TCERG1L: variants seen among roughly 807,000 people sequenced by gnomAD.
The protein encoded by TCERG1L is transcription elongation regulator 1 like, also known as transcription elongation regulator 1-like protein.
TCERG1L carries 37 observed loss-of-function variants against 56.3 expected under a neutral mutation model. The ratio of observed to expected loss-of-function variants is 0.66; its 90% confidence interval spans 0.51 to 0.87. The LOEUF is 0.87. Ranked by LOEUF, TCERG1L falls within the 40% of genes least tolerant of loss-of-function variation. The probability of loss-of-function intolerance (pLI) is 0.00; values close to 1 mark genes in which losing one functional copy is unlikely to be tolerated. For missense variants in TCERG1L, 799 were observed against 774.2 expected (o/e 1.03, Z -0.38); for synonymous variants, 324 against 326.3 (o/e 0.99, Z 0.08).
In TCERG1L at chr10:131,218,534, C is replaced by T. The variant is rs555973601; in HGVS notation, c.856+41725G>A. Among the ~76,000 whole-genome samples, 12 of 152,216 alleles carry T rather than the reference C, an allele frequency of 7.9e-5. No homozygotes were observed. The Middle Eastern group carries it at 0.01, about 129-fold the overall frequency. ...TTGAGACAGAGTTTCGTTCTTGTTG[C>T]CCAGGCTGGAGTGCAATGGTGCGAC... On this transcript the variant is annotated intron_variant, in intron 4 of 11. Transcript: ENST00000368642.
rs188893212 is a variant in TCERG1L, at chr10:131,124,912, T to C, written c.1260-7978A>G. Among the ~76,000 whole-genome samples, 322 of 152,336 alleles carry C rather than the reference T, an allele frequency of 2.1e-3. 3 individuals carry two copies. The South Asian group carries it at 0.021, about 10-fold the overall frequency. On this transcript the variant is annotated intron_variant, in intron 8 of 11. Transcript: ENST00000368642. Reference sequence around the variant, plus strand: ...CTCTAGAAAGTGGAAATAATAATAGTTGCAACCACTTGGGATTTGCTTGTA... The same window carrying C: ...CTCTAGAAAGTGGAAATAATAATAGCTGCAACCACTTGGGATTTGCTTGTA...
chr10:131,098,809 A>G (rs1781674318), intron 10 of TCERG1L, among the ~76,000 whole-genome samples: 1 of 152,160 alleles, frequency 6.6e-6, no homozygotes, highest in South Asian at 2.1e-4. Flanking sequence ...CAGCATCTGT[A>G]ACGCGCGGCC....
chr10:131,124,586 G>A (rs1000631173), intron 8 of TCERG1L, among the ~76,000 whole-genome samples: 5 of 152,124 alleles, frequency 3.3e-5, no homozygotes, highest in Admixed American at 6.5e-5. Flanking sequence ...TCAGCTCTAC[G>A]CCATGCAGGA....
At chr10:131,207,052 G>A (rs905440417) in intron 4 of TCERG1L, among the ~76,000 whole-genome samples, 5 of 152,220 alleles carry the variant, frequency 3.3e-5, no homozygotes, top group Admixed American at 6.5e-5. Flanking sequence ...GAATCAGAAA[G>A]TGCTTTGTCC....
At chr10:131,093,588 A>G (rs1353373675) in intron 11 of TCERG1L, among the ~76,000 whole-genome samples, 1 of 152,052 alleles carries the variant, frequency 6.6e-6, no homozygotes, top group Non-Finnish European at 1.5e-5. Flanking sequence ...CAGCCTCCTC[A>G]GCCGTCTCAT....
intron 9 of TCERG1L, among the ~76,000 whole-genome samples, chr10:131,112,214 A>C (rs1845418962): frequency 7.0e-6 from 1 of 142,626 alleles, no homozygotes; most frequent in Non-Finnish European, 1.6e-5. Flanking sequence ...CCGGGGGCTG[A>C]AGACTTGGGC....
chr10:131,253,722 C>T (rs569029750), intron 4 of TCERG1L, among the ~76,000 whole-genome samples: 4 of 152,128 alleles, frequency 2.6e-5, no homozygotes, highest in Admixed American at 1.3e-4. Context: ...TCGACCAACA[C>T]GCCAGAGCAT....
At chr10:131,261,805 T>C (rs1221141774) in intron 3 of TCERG1L, among the ~76,000 whole-genome samples, 4 of 152,122 alleles carry the variant, frequency 2.6e-5, no homozygotes, top group African/African-American at 4.8e-5. Context: ...CCGGTGGGCA[T>C]AGTGGGAAAG....
chr10:131,196,735 A>G (rs984325450), intron 4 of TCERG1L, among the ~76,000 whole-genome samples: 1 of 152,226 alleles, frequency 6.6e-6, no homozygotes, highest in Non-Finnish European at 1.5e-5. Context: ...ACTGGCTGGA[A>G]CACCACCACC....
chr10:131,206,466 C>T (rs542841471), intron 4 of TCERG1L, among the ~76,000 whole-genome samples: 30 of 152,306 alleles, frequency 2.0e-4, no homozygotes, highest in South Asian at 1.2e-3. Flanking sequence ...GGAAGGGGCA[C>T]GAGGAGAGGC....
At chr10:131,286,070 C>T (rs961853963) in intron 3 of TCERG1L, among the ~76,000 whole-genome samples, 1 of 152,132 alleles carries the variant, frequency 6.6e-6, no homozygotes, top group African/African-American at 2.4e-5. Context: ...TTTTAAAAAG[C>T]ACAAGAACGG....
chr10:131,216,531 T>C (rs754232027), intron 4 of TCERG1L, among the ~76,000 whole-genome samples: 5 of 152,182 alleles, frequency 3.3e-5, no homozygotes, highest in Non-Finnish European at 7.3e-5. Context: ...ACGTATTACA[T>C]AGGAGGAAAC....
At chr10:131,236,658 C>A (rs948546031) in intron 4 of TCERG1L, among the ~76,000 whole-genome samples, 2 of 152,242 alleles carry the variant, frequency 1.3e-5, no homozygotes, top group Non-Finnish European at 2.9e-5. Flanking sequence ...TTATTATCAG[C>A]TCTCTCCCTC....
intron 3 of TCERG1L, among the ~76,000 whole-genome samples, chr10:131,307,719 T>C (rs1846830521): frequency 1.3e-5 from 2 of 152,180 alleles, no homozygotes; most frequent in African/African-American, 4.8e-5. Flanking sequence ...ACTCCAAAGA[T>C]AGAACAAAAT....
intron 11 of TCERG1L, among the ~76,000 whole-genome samples, chr10:131,093,709 C>T (rs1018425635): frequency 1.3e-5 from 2 of 152,184 alleles, no homozygotes; most frequent in East Asian, 3.9e-4. Context: ...TTACACTGTT[C>T]CCTCTGCCTG....
intron 4 of TCERG1L, among the ~76,000 whole-genome samples, chr10:131,243,199 G>A (rs1845992693): frequency 6.6e-6 from 1 of 152,130 alleles, no homozygotes; most frequent in Non-Finnish European, 1.5e-5. Flanking sequence ...CGCCCTGTGA[G>A]TGTCCCTCCC....
intron 6 of TCERG1L, 180 bp downstream of exon 6, chr10:131,162,942 T>C (rs1845992829): frequency 3.8e-6 from 2 of 523,972 alleles, no homozygotes; most frequent in African/African-American, 1.9e-5. Context: ...TAAATGCTGT[T>C]TTTTTCTTTC....
rs71009957 is a variant in TCERG1L at position 131,291,401 on chromosome 10, C to CTTTTTTTTTT, written c.670+16800_670+16809dup. ...TGTGTATATTCCATAAACAGCATTT[C>CTTTTTTTTTT]TTTTTTTTTTTTTTTTTTTTTTTTT... On this transcript the variant is annotated intron_variant, in intron 3 of 11. Transcript: ENST00000368642. 3.6e-3 allele frequency among the ~76,000 whole-genome samples: 131 copies of CTTTTTTTTTT among 36,594 alleles called. 41 individuals are homozygous for CTTTTTTTTTT. Among genetic ancestry groups the CTTTTTTTTTT allele is most frequent in the South Asian group, 6.5e-3 (6 of 930 alleles). 24.0% of individuals were successfully genotyped at this position (36,594 alleles called of 152,430 possible). A position where few individuals can be genotyped will look rare whatever the true frequency, so the allele number is the denominator to read the frequency against.
At position 131,311,387 on chromosome 10, in the gene TCERG1L, C is replaced by T. The variant is rs1589781206; in HGVS notation, c.249G>A (p.Pro83=). 3 of 1,189,346 alleles carry T rather than the reference C, an allele frequency of 2.5e-6. No individual in the cohort carries two copies. In the East Asian group the frequency reaches 1.1e-4, roughly 44 times the overall value. 73.7% of individuals were successfully genotyped at this position (1,189,346 alleles called of 1,614,324 possible). The change falls in exon 1 of 12, where the codon CCG becomes CCA. Residue 83 remains proline, a synonymous_variant. Coordinates refer to ENST00000368642, the MANE Select transcript of TCERG1L (RefSeq NM_174937.4). The surrounding 1 kb of genome is among the most constrained non-coding windows in gnomAD (Gnocchi z 4.0). The part of the protein sequence containing the change: ...LLPGLPGWPA[P]SEPVLPLLPL... ...GCAGCAGCGGGAGCACCGGCTCGCT[C>T]GGGGCCGGCCAGCCGGGGAGACCGG...
Sources: allele counts gnomAD v4.1 joint callset (sites outside exome capture counted in the v4.1 genomes callset), GRCh38; gene constraint gnomAD v4.1.1; non-coding constraint Gnocchi (gnomAD v3.1); transcripts MANE v1.5; gene names NCBI Gene and HGNC (gene_info 2026-07-23, HGNC 2026-07-21).